The following ANK3 variants were observed in gnomAD, a reference collection of about 807,000 sequenced individuals.
The protein encoded by ANK3 is ankyrin 3.
Under a neutral mutation model 370.9 loss-of-function variants are expected in ANK3, and 57 were observed. The ratio of observed to expected loss-of-function variants is 0.15; its 90% confidence interval spans 0.12 to 0.19. The LOEUF (loss-of-function observed/expected upper bound fraction) is 0.19. ANK3 is among the 10% of genes least tolerant of loss of function. ANK3 has a pLI of 1.00. For synonymous variants in ANK3, 1,929 were observed against 1,946.3 expected, an observed-to-expected ratio of 0.99 and a Z score of 0.23; for missense variants, 4,439 against 5,302.1, an observed-to-expected ratio of 0.84 and a Z score of 5.06.
chr10:60,568,913 T>C (rs944169387), intron 2 of ANK3, among the ~76,000 whole-genome samples: 1 of 152,182 alleles, frequency 6.6e-6, no homozygotes, highest in African/African-American at 2.4e-5. Context: ...TGTGAGCACA[T>C]AGCAAGAAGA....
At position 60,366,037 on chromosome 10, in the gene ANK3, TAGGACTAAAA is replaced by T. The variant is rs753955303; in HGVS notation, c.114+23378_114+23387del. Reference sequence around the variant, plus strand: ...TGTTAAGGGCAAAATACCTGTGTTTTAGGACTAAAATATTAGGCCAGGCATGGTGGCTCAC... The same window carrying T: ...TGTTAAGGGCAAAATACCTGTGTTTTTATTAGGCCAGGCATGGTGGCTCAC... On this transcript the variant is annotated intron_variant, in intron 1 of 43. Transcript: ENST00000280772. Among the ~76,000 whole-genome samples the T allele has an allele frequency of 2.5e-3, 382 of 152,322 alleles. 3 individuals are homozygous for T. Among genetic ancestry groups the T allele is most frequent in the Middle Eastern group, 0.02 (6 of 294 alleles).
At chr10:60,304,511 C>T (rs1001101363) in intron 1 of ANK3, among the ~76,000 whole-genome samples, 47 of 151,768 alleles carry the variant, frequency 3.1e-4, no homozygotes, top group African/African-American at 9.9e-4. Flanking sequence ...GGTGTGGTGG[C>T]GCGCACTTGT....
At chr10:60,648,866 GCTC>G (rs1381709344) in intron 1 of ANK3, among the ~76,000 whole-genome samples, 1 of 15,606 alleles carries the variant, frequency 6.4e-5, no homozygotes, top group Non-Finnish European at 1.6e-4. Context: ...AGCTGCTTCT[GCTC>G]CTGCTCCTGC....
Position 60,428,985 on chromosome 10 carries a change from T to C in ANK3, c.97-149346A>G, listed in dbSNP as rs116488725. On this transcript the variant is annotated intron_variant, in intron 2 of 43. Transcript: ENST00000373827. ...GCTTATTTTAAATGTCTATGTGTTA[T>C]TGGATAATATAAATAACTTATGTAT... Among the ~76,000 whole-genome samples the C allele has an allele frequency of 2.9e-3, 443 of 151,926 alleles. 2 individuals are homozygous for C. Among genetic ancestry groups the C allele is most frequent in the African/African-American group, 0.01 (420 of 41,288 alleles).
chr10:60,098,553 T>C (rs1259222770), intron 28 of ANK3, among the ~76,000 whole-genome samples: 2 of 152,172 alleles, frequency 1.3e-5, no homozygotes, highest in Admixed American at 6.5e-5. Flanking sequence ...TCCATCAAAA[T>C]ACACAAATTT....
chr10:60,353,379 A>G (rs2057239948), intron 1 of ANK3, among the ~76,000 whole-genome samples: 1 of 151,988 alleles, frequency 6.6e-6, no homozygotes, highest in Non-Finnish European at 1.5e-5. Flanking sequence ...CCATGAATAG[A>G]ATATCTTTTC....
intron 1 of ANK3, among the ~76,000 whole-genome samples, chr10:60,388,542 TG>T (rs2062741683): frequency 6.6e-6 from 1 of 152,178 alleles, no homozygotes; most frequent in Non-Finnish European, 1.5e-5. Context: ...TTAATTATCA[TG>T]GAGGAAAAGT....
chr10:60,569,244 C>A lies in ANK3; in HGVS notation c.96+45942G>T, dbSNP rs141596049. 1.9e-3 allele frequency among the ~76,000 whole-genome samples: 284 copies of A among 152,288 alleles called. 1 individual carries two copies. The highest frequency in any genetic ancestry group is 6.4e-3 in the African/African-American group (267 of 41,562). ...ACTCTACATCAAGCTTGAAATTCCA[C>A]CATGATGACCACTTCGAGGTTAGGT... On this transcript the variant is annotated intron_variant, in intron 2 of 43. Transcript: ENST00000373827.
chr10:60,406,998 A>G (rs1208252683), intron 2 of ANK3, among the ~76,000 whole-genome samples: 1 of 152,224 alleles, frequency 6.6e-6, no homozygotes, highest in Non-Finnish European at 1.5e-5. Flanking sequence ...TAAATCTATA[A>G]TAGTTGCACT....
chr10:60,350,917 A>G (rs1229413817), intron 1 of ANK3, among the ~76,000 whole-genome samples: 3 of 152,180 alleles, frequency 2.0e-5, no homozygotes, highest in Non-Finnish European at 4.4e-5. Context: ...TCCAGGAAGA[A>G]TAATTTAGCT....
chr10:60,542,773 T>C (rs2076877988), intron 2 of ANK3, among the ~76,000 whole-genome samples: 1 of 151,996 alleles, frequency 6.6e-6, no homozygotes, highest in East Asian at 1.9e-4. Context: ...AAGATTCCCA[T>C]TCATTCTCTG....
rs1235176955 is a variant in ANK3 at position 60,196,620 on chromosome 10, T to G, written c.1695A>C (p.Gly565=). ...TTGCTGCCACATGAAGAGGAGTAAA[T>G]CCTTTCTGAAAAAAAAAAAACATAA... is the stretch of plus-strand genomic sequence containing the variant. ...GASLSITTKK[G]FTPLHVAAKY... The change falls in exon 15 of 44, where the codon GGA becomes GGC. Residue 565 remains glycine (G), a synonymous_variant. Coordinates refer to ENST00000280772, the MANE Select transcript of ANK3 (RefSeq NM_020987.5). 1 of 1,567,742 alleles carries G rather than the reference T, an allele frequency of 6.4e-7. No individual in the cohort carries two copies. The highest frequency in any genetic ancestry group is 8.6e-7 in the Non-Finnish European group (1 of 1,156,540).
intron 1 of ANK3, among the ~76,000 whole-genome samples, chr10:60,633,617 C>T (rs990761531): frequency 7.9e-5 from 12 of 151,990 alleles, no homozygotes; most frequent in African/African-American, 2.9e-4. Flanking sequence ...TTTTAGCTGG[C>T]CAATCCAATA....
chr10:60,614,049 G>C (rs897421321), intron 2 of ANK3, among the ~76,000 whole-genome samples: 4 of 152,108 alleles, frequency 2.6e-5, no homozygotes, highest in African/African-American at 9.7e-5. Context: ...ACTCCAGCCT[G>C]GGCAACAGAG....
chr10:60,704,917 T>C (rs534556803), intron 1 of ANK3, among the ~76,000 whole-genome samples: 43 of 152,338 alleles, frequency 2.8e-4, no homozygotes, highest in Middle Eastern at 6.8e-3. Context: ...ATTCTCTATA[T>C]GAATCAATAG....
intron 1 of ANK3, among the ~76,000 whole-genome samples, chr10:60,319,513 G>A (rs578214939): frequency 1.4e-4 from 22 of 152,204 alleles, no homozygotes; most frequent in African/African-American, 3.4e-4. Flanking sequence ...GAAATATATC[G>A]TCTATTCTGT....
chr10:60,118,941 C>T (rs1590257933), intron 25 of ANK3, among the ~76,000 whole-genome samples: 1 of 152,232 alleles, frequency 6.6e-6, no homozygotes, highest in South Asian at 2.1e-4. Flanking sequence ...TTCCACATCC[C>T]TCTGAGTCCT....
chr10:60,657,877 C>T (rs761128867), intron 1 of ANK3, among the ~76,000 whole-genome samples: 1 of 98,682 alleles, frequency 1.0e-5, no homozygotes, highest in Non-Finnish European at 2.3e-5. Flanking sequence ...TCCTTTTAGT[C>T]TCATATATTA....
chr10:60,272,341 G>T (rs1441856664), intron 4 of ANK3, among the ~76,000 whole-genome samples: 1 of 152,064 alleles, frequency 6.6e-6, no homozygotes, highest in Admixed American at 6.5e-5. Flanking sequence ...GCCAAAACCA[G>T]TATGGCTTTT....
Sources: gnomAD v4.1 joint callset for allele counts (sites outside exome capture counted in the v4.1 genomes callset) on GRCh38, gnomAD v4.1.1 for gene constraint, MANE v1.5 for transcripts, NCBI Gene and HGNC (gene_info 2026-07-23, HGNC 2026-07-21) for gene names.